Variants in CRADD observed in about 807,000 individuals in gnomAD.
The protein encoded by CRADD is death domain-containing protein CRADD.
In CRADD, 9 loss-of-function variants were observed where a neutral mutation model predicts 15.5. The observed-to-expected ratio is 0.58, with a 90% confidence interval of 0.35 to 1.01. The LOEUF (loss-of-function observed/expected upper bound fraction) is 1.01, where lower values mean the gene tolerates loss of function less well. Ranked by LOEUF, CRADD falls within the 50% of genes least tolerant of loss-of-function variation. CRADD has a pLI of 0.02. For missense variants in CRADD, 227 were observed against 250.3 expected, an observed-to-expected ratio of 0.91 and a Z score of 0.63; for synonymous variants, 118 against 107.6, an observed-to-expected ratio of 1.10 and a Z score of -0.60.
chr12:93,843,829 T>A (rs1958079191), intron 2 of CRADD, among the ~76,000 whole-genome samples: 1 of 151,990 alleles, frequency 6.6e-6, no homozygotes, highest in Non-Finnish European at 1.5e-5. Flanking sequence ...CAAGTGGTCC[T>A]CCTGCCACAG....
chr12:93,751,543 A>G (rs1208742709), intron 2 of CRADD, among the ~76,000 whole-genome samples: 1 of 152,192 alleles, frequency 6.6e-6, no homozygotes, highest in Non-Finnish European at 1.5e-5. Context: ...ACTGACCTCA[A>G]TCAGGGTTTT....
intron 2 of CRADD, among the ~76,000 whole-genome samples, chr12:93,701,295 G>GGCAC (rs373572709): frequency 1.4e-5 from 2 of 143,352 alleles, no homozygotes; most frequent in African/African-American, 5.2e-5. Context: ...CTCTCTCTGT[G>GGCAC]ACACACACAC....
intron 2 of CRADD, among the ~76,000 whole-genome samples, chr12:93,800,357 T>G (rs754791820): frequency 4.6e-5 from 7 of 152,164 alleles, no homozygotes; most frequent in Non-Finnish European, 8.8e-5. Flanking sequence ...TTTTGTTCTA[T>G]TTGGGCCCTC....
At chr12:93,836,024 T>G (rs1473346351) in intron 2 of CRADD, 1 of 152,190 alleles carries the variant, frequency 6.6e-6, no homozygotes, top group African/African-American at 2.4e-5. Flanking sequence ...ACCAAGTTGT[T>G]TACGCGTAGG....
At chr12:93,777,294 T>C (rs147048053) in intron 2 of CRADD, among the ~76,000 whole-genome samples, 2 of 152,310 alleles carry the variant, frequency 1.3e-5, no homozygotes, top group Non-Finnish European at 1.5e-5. Flanking sequence ...CAAGAGGCAG[T>C]TGATGCCATG....
At chr12:93,819,727 G>A (rs1957747940) in intron 2 of CRADD, among the ~76,000 whole-genome samples, 1 of 152,230 alleles carries the variant, frequency 6.6e-6, no homozygotes, top group Non-Finnish European at 1.5e-5. Flanking sequence ...TGCGTAAGAG[G>A]GCAGGGAGCT....
downstream of CRADD, among the ~76,000 whole-genome samples, chr12:93,854,519 G>A (rs1340641397): frequency 6.6e-6 from 1 of 152,220 alleles, no homozygotes; most frequent in Non-Finnish European, 1.5e-5. Flanking sequence ...CTACCAAAAG[G>A]CATGGAGAGA....
intron 2 of CRADD, among the ~76,000 whole-genome samples, chr12:93,872,057 A>C (rs1401156694): frequency 1.3e-5 from 2 of 152,156 alleles, no homozygotes; most frequent in Admixed American, 6.5e-5. Context: ...TTTTCTCTAC[A>C]TACTGGCCAA....
At chr12:93,837,735 A>C (rs1390011779) in intron 2 of CRADD, 2 of 152,198 alleles carry the variant, frequency 1.3e-5, no homozygotes, top group East Asian at 3.8e-4. Flanking sequence ...TAACAAAATC[A>C]CTTCTAAAAA....
intron 2 of CRADD, among the ~76,000 whole-genome samples, chr12:93,891,315 C>A (rs1024207353): frequency 6.6e-6 from 1 of 151,922 alleles, no homozygotes; most frequent in African/African-American, 2.4e-5. Flanking sequence ...GTGGCAACCC[C>A]ATCTCTACTA....
intron 2 of CRADD, among the ~76,000 whole-genome samples, chr12:93,682,234 T>A (rs1220779778): frequency 1.3e-5 from 2 of 152,224 alleles, no homozygotes; most frequent in Non-Finnish European, 2.9e-5. Flanking sequence ...GTAATTTTAG[T>A]AAGATTTAAA....
At chr12:93,857,832 A>G (rs1958287709) in intron 2 of CRADD, among the ~76,000 whole-genome samples, 1 of 152,230 alleles carries the variant, frequency 6.6e-6, no homozygotes, top group Non-Finnish European at 1.5e-5. Flanking sequence ...TCTCTTTACA[A>G]CCAGAGCCCC....
intron 2 of CRADD, among the ~76,000 whole-genome samples, chr12:93,717,030 C>T (rs1489932053): frequency 1.3e-5 from 2 of 152,214 alleles, no homozygotes; most frequent in Non-Finnish European, 2.9e-5. Context: ...TCACACTATA[C>T]CAGCATTTGG....
At position 93,685,928 on chromosome 12, in the gene CRADD, G is replaced by A. The variant is rs182274272; in HGVS notation, c.298+6856G>A. 6.6e-5 allele frequency among the ~76,000 whole-genome samples: 10 copies of A among 152,274 alleles called. No individual in the cohort carries two copies. In the East Asian group the frequency reaches 1.9e-3, roughly 29 times the overall value. On this transcript the variant is annotated intron_variant, in intron 2 of 2. Transcript: ENST00000332896. ...GAATCGCTTGAACCTGGCAGGTGGA[G>A]GTTGTAGTGAGCTGAGATCGCGCCA...
At chr12:93,786,800 T>C (rs550520166) in intron 2 of CRADD, among the ~76,000 whole-genome samples, 54 of 152,300 alleles carry the variant, frequency 3.5e-4, no homozygotes, top group African/African-American at 1.3e-3. Flanking sequence ...GACAAAAGTC[T>C]AGTGAGTAAT....
intron 2 of CRADD, among the ~76,000 whole-genome samples, chr12:93,726,395 C>G (rs1007511929): frequency 2.6e-5 from 4 of 152,074 alleles, no homozygotes; most frequent in African/African-American, 9.7e-5. Context: ...TAAGCCCCAG[C>G]ACCTGGCCAA....
chr12:93,859,893 ATTTTTTT>A (rs11295660), intron 2 of CRADD, among the ~76,000 whole-genome samples: 1 of 147,078 alleles, frequency 6.8e-6, no homozygotes, highest in African/African-American at 2.5e-5. Flanking sequence ...CGACCAGCTA[ATTTTTTT>A]TTTTTTTTAT....
intron 2 of CRADD, among the ~76,000 whole-genome samples, chr12:93,805,297 G>A (rs1282774410): frequency 6.6e-6 from 1 of 151,222 alleles, no homozygotes; most frequent in East Asian, 2.0e-4. Flanking sequence ...TAATATATAT[G>A]TGAGAAAACT....
In CRADD at chr12:93,678,991, C is replaced by T. The variant is rs777957131; in HGVS notation, c.217C>T (p.Leu73=). ...SRGPKAFDTF[L]DSLQEFPWVR... The stretch of plus-strand genomic sequence containing the variant: ...GGGCCCTAAAGCATTTGATACATTC[C>T]TAGATTCCCTACAGGAGTTTCCCTG... Residue 73 remains leucine, a synonymous_variant, in exon 2 of 3, where the codon CTA becomes TTA. Transcript: ENST00000332896. 3 of 1,613,954 alleles carry T rather than the reference C, an allele frequency of 1.9e-6. No homozygotes were observed. Among genetic ancestry groups the T allele is most frequent in the Non-Finnish European group, 2.5e-6 (3 of 1,179,954 alleles).
Sources: gnomAD v4.1 joint callset for allele counts (sites outside exome capture counted in the v4.1 genomes callset) on GRCh38, gnomAD v4.1.1 for gene constraint, MANE v1.5 for transcripts, NCBI Gene and HGNC (gene_info 2026-07-23, HGNC 2026-07-21) for gene names.